The following ITGA9 variants were observed in gnomAD, a reference collection of about 807,000 sequenced individuals.
The protein encoded by ITGA9 is integrin alpha-9.
In ITGA9, 56 loss-of-function variants were observed where a neutral mutation model predicts 127.8. The ratio of observed to expected loss-of-function variants is 0.44; its 90% CI spans 0.35 to 0.55. The LOEUF is 0.55. ITGA9 is among the 20% of genes least tolerant of loss of function. The pLI, the probability that ITGA9 is intolerant of heterozygous loss-of-function variation, is 0.00. For synonymous variants in ITGA9, 508 were observed against 514.5 expected (o/e 0.99, Z 0.17); for missense variants, 1,196 against 1,347.1 (o/e 0.89, Z 1.76).
chr3:37,654,381 C>T (rs999831171), intron 17 of ITGA9, among the ~76,000 whole-genome samples: 3 of 152,146 alleles, frequency 2.0e-5, no homozygotes, highest in Non-Finnish European at 4.4e-5. Flanking sequence ...AAAGGTGAAC[C>T]GTACAGCGGC....
At chr3:37,508,816 C>A (rs962234904) in intron 8 of ITGA9, among the ~76,000 whole-genome samples, 189 bp downstream of exon 8, 1 of 152,100 alleles carries the variant, frequency 6.6e-6, no homozygotes, top group Admixed American at 6.6e-5. Flanking sequence ...GATTCATACT[C>A]GCTTTAGGAG....
chr3:37,538,881 A>G (rs139950619), intron 14 of ITGA9, among the ~76,000 whole-genome samples: 34 of 152,396 alleles, frequency 2.2e-4, no homozygotes, highest in African/African-American at 8.2e-4. Context: ...AGTACTAATT[A>G]GGCAGTTCTA....
At chr3:37,675,215 A>G (rs1006395669) in intron 17 of ITGA9, among the ~76,000 whole-genome samples, 12 of 152,134 alleles carry the variant, frequency 7.9e-5, no homozygotes, top group Non-Finnish European at 1.6e-4. Flanking sequence ...CCCTCAACCA[A>G]TGACTGACTA....
At chr3:37,689,076 A>G (rs1700806982) in intron 18 of ITGA9, among the ~76,000 whole-genome samples, 1 of 151,586 alleles carries the variant, frequency 6.6e-6, no homozygotes, top group African/African-American at 2.4e-5. Flanking sequence ...GTGGGCGGGT[A>G]GGTGGATGGA....
At chr3:37,453,397 C>G (rs1264995609) in intron 1 of ITGA9, among the ~76,000 whole-genome samples, 1 of 152,152 alleles carries the variant, frequency 6.6e-6, no homozygotes, top group Non-Finnish European at 1.5e-5. Flanking sequence ...CAGCTCTCCC[C>G]CATTAAGCAC....
chr3:37,815,209 G>A (rs1274288327), intron 27 of ITGA9, among the ~76,000 whole-genome samples: 1 of 152,238 alleles, frequency 6.6e-6, no homozygotes, highest in Non-Finnish European at 1.5e-5. Flanking sequence ...GAGTTCAGGT[G>A]CTCTAAATCC....
chr3:37,746,072 T>TA, intron 22 of ITGA9: 1 of 152,352 alleles, frequency 6.6e-6, no homozygotes, highest in South Asian at 2.1e-4. Flanking sequence ...TAATGGTTGT[T>TA]ATTGTGGTTG....
At chr3:37,475,518 G>A (rs1195255246) in intron 3 of ITGA9, among the ~76,000 whole-genome samples, 1 of 152,208 alleles carries the variant, frequency 6.6e-6, no homozygotes, top group African/African-American at 2.4e-5. Context: ...TTTAGCAAAG[G>A]GAGCCAAGAA....
At chr3:37,676,726 G>A (rs1700685825) in intron 17 of ITGA9, among the ~76,000 whole-genome samples, 1 of 152,146 alleles carries the variant, frequency 6.6e-6, no homozygotes, top group African/African-American at 2.4e-5. Context: ...TTAAATTCAT[G>A]GGCCTAGAAG....
chr3:37,702,594 A>C (rs1179261582), intron 18 of ITGA9, among the ~76,000 whole-genome samples: 7 of 152,110 alleles, frequency 4.6e-5, no homozygotes, highest in Non-Finnish European at 8.8e-5. Flanking sequence ...AGGGAAAAAA[A>C]AATGAGGTGG....
chr3:37,517,185 A>G (rs1386633427), intron 9 of ITGA9, among the ~76,000 whole-genome samples: 2 of 152,126 alleles, frequency 1.3e-5, no homozygotes, highest in Non-Finnish European at 2.9e-5. Flanking sequence ...CACATGGGGG[A>G]AAGGTGGGTA....
At chr3:37,657,394 C>T (rs559071688) in intron 17 of ITGA9, among the ~76,000 whole-genome samples, 6 of 152,200 alleles carry the variant, frequency 3.9e-5, no homozygotes, top group South Asian at 2.1e-4. Flanking sequence ...CTCAGGGATT[C>T]GACTTCTTCC....
At chr3:37,517,747 A>G (rs575762293) in intron 10 of ITGA9, 138 bp downstream of exon 10, 4 of 719,736 alleles carry the variant, frequency 5.6e-6, no homozygotes, top group African/African-American at 1.7e-5. Flanking sequence ...AGGCCCATCA[A>G]TGTGCTGTGG....
At chr3:37,807,798 G>C (rs532951055) in intron 27 of ITGA9, 18 of 152,522 alleles carry the variant, frequency 1.2e-4, no homozygotes, top group African/African-American at 4.3e-4. Context: ...ATTGCCATGG[G>C]TCAAGGTAGG....
Position 37,741,486 on chromosome 3 carries a change from A to G in ITGA9, c.2235-244A>G, listed in dbSNP as rs183722193. Among the ~76,000 whole-genome samples, 328 of 152,172 alleles carry G rather than the reference A, an allele frequency of 2.2e-3. 10 individuals carry two copies. Among genetic ancestry groups the G allele is most frequent in the Admixed American group, 0.02 (303 of 15,282 alleles). ...TCTCCCTTCTCCACTCTCCAGTCCT[A>G]CTGGCATTTCCTGGGGCCACCTCTC... On this transcript the variant is annotated intron_variant, in intron 20 of 27. Coordinates refer to ENST00000264741, the MANE Select transcript of ITGA9 (RefSeq NM_002207.3).
chr3:37,699,777 T>G (rs971314004), intron 18 of ITGA9, among the ~76,000 whole-genome samples: 1 of 152,232 alleles, frequency 6.6e-6, no homozygotes, highest in African/African-American at 2.4e-5. Flanking sequence ...GGCCTCCTTC[T>G]GTTCCTTGAA....
chr3:37,612,061 T>C (rs1700022266), intron 15 of ITGA9, among the ~76,000 whole-genome samples: 6 of 152,098 alleles, frequency 3.9e-5, no homozygotes, highest in Admixed American at 3.9e-4. Context: ...GATGATATAT[T>C]TTTAACTGCT....
At chr3:37,489,318 G>A (rs1455234585) in intron 4 of ITGA9, among the ~76,000 whole-genome samples, 1 of 152,256 alleles carries the variant, frequency 6.6e-6, no homozygotes, top group African/African-American at 2.4e-5. Flanking sequence ...AAGCAGATCA[G>A]AAGTTGGGAG....
At chr3:37,743,332 A>G (rs1012101017) in intron 21 of ITGA9, among the ~76,000 whole-genome samples, 2 of 152,170 alleles carry the variant, frequency 1.3e-5, no homozygotes, top group African/African-American at 4.8e-5. Flanking sequence ...TCTTCTCAGG[A>G]ATGTGTTCAT....
Sources: gnomAD v4.1 joint callset for allele counts (sites outside exome capture counted in the v4.1 genomes callset) on GRCh38, gnomAD v4.1.1 for gene constraint, MANE v1.5 for transcripts, NCBI Gene and HGNC (gene_info 2026-07-23, HGNC 2026-07-21) for gene names.